The following KIZ variants were observed in gnomAD, a reference collection of about 807,000 sequenced individuals.
The protein encoded by KIZ is centrosomal protein kizuna.
Under a neutral mutation model 79.6 loss-of-function variants are expected in KIZ, and 68 were observed. The observed-to-expected ratio is 0.85, with a 90% CI of 0.70 to 1.05. The LOEUF (loss-of-function observed/expected upper bound fraction) is 1.05. Ranked by LOEUF, KIZ falls within the 50% of genes least tolerant of loss-of-function variation. The probability of loss-of-function intolerance (pLI) is 0.00; values close to 1 mark genes in which losing one functional copy is unlikely to be tolerated. For synonymous variants in KIZ, 280 were observed against 281.8 expected (o/e 0.99, Z 0.06); for missense variants, 797 against 800.4 (o/e 1.00, Z 0.05).
chr20:21,155,321 G>T (rs2033325298), intron 4 of KIZ, among the ~76,000 whole-genome samples: 1 of 152,020 alleles, frequency 6.6e-6, no homozygotes, highest in South Asian at 2.1e-4. Context: ...CCTTAAAATA[G>T]AATATTATTC....
chr20:21,181,847 A>AG (rs2034669024), intron 6 of KIZ, among the ~76,000 whole-genome samples: 1 of 152,228 alleles, frequency 6.6e-6, no homozygotes, highest in African/African-American at 2.4e-5. Flanking sequence ...GGTTGCCAAT[A>AG]ACAGGAACAC....
chr20:21,135,216 TGTG>T (rs1209027104), intron 2 of KIZ, among the ~76,000 whole-genome samples: 1 of 152,180 alleles, frequency 6.6e-6, no homozygotes, highest in Non-Finnish European at 1.5e-5. Context: ...TGAAGGTTAA[TGTG>T]GTAGCTGGAA....
chr20:21,208,038 A>G (rs1252158188), intron 7 of KIZ, among the ~76,000 whole-genome samples: 1 of 152,122 alleles, frequency 6.6e-6, no homozygotes, highest in African/African-American at 2.4e-5. Context: ...CTTAAGAAAG[A>G]TACTGTTTGG....
In KIZ at chr20:21,192,579, T is replaced by A. The variant is rs866507252; in HGVS notation, c.1353-12912T>A. ...TTTATAAAACTTCTAAAAAGTAATA[T>A]GTAAATTATGTAAGTGTAAGTTTCC... On this transcript the variant is annotated intron_variant, in intron 6 of 12. Coordinates refer to ENST00000619189, the MANE Select transcript of KIZ (RefSeq NM_018474.6). Among the ~76,000 whole-genome samples, 4 of 152,190 alleles carry A rather than the reference T, an allele frequency of 2.6e-5. No individual in the cohort carries two copies. In the East Asian group the frequency reaches 7.7e-4, roughly 29 times the overall value.
intron 9 of KIZ, among the ~76,000 whole-genome samples, chr20:21,227,398 T>A (rs1046976208): frequency 2.0e-5 from 3 of 152,140 alleles, no homozygotes; most frequent in African/African-American, 7.2e-5. Flanking sequence ...AGCTGCTCCT[T>A]TTTTTTCAAA....
chr20:21,218,014 G>A (rs1046392171), intron 9 of KIZ: 2 of 152,048 alleles, frequency 1.3e-5, no homozygotes, highest in Non-Finnish European at 2.9e-5. Flanking sequence ...GGCCACTTGG[G>A]ACCAAGACCC....
At chr20:21,127,361 T>C (rs1161644220) in intron 1 of KIZ, among the ~76,000 whole-genome samples, 3 of 152,228 alleles carry the variant, frequency 2.0e-5, no homozygotes, top group Non-Finnish European at 4.4e-5. Flanking sequence ...TTGTGACTCT[T>C]GGCATTCTTA....
At chr20:21,170,571 G>A (rs1416363677) in intron 6 of KIZ, among the ~76,000 whole-genome samples, 3 of 152,082 alleles carry the variant, frequency 2.0e-5, no homozygotes, top group Non-Finnish European at 4.4e-5. Flanking sequence ...TGTATTTTTA[G>A]TAGAGATGGG....
In KIZ at chr20:21,179,230, G is replaced by A. The variant is rs558361151; in HGVS notation, c.1352+16071G>A. On this transcript the variant is annotated intron_variant, in intron 6 of 12. Coordinates refer to ENST00000619189, the MANE Select transcript of KIZ (RefSeq NM_018474.6). ...TTTTGTTTTTTTTTTTTTTTTGATG[G>A]GAGGTTTTTGATTACTGATTCAGTC... 2.8e-4 allele frequency among the ~76,000 whole-genome samples: 41 copies of A among 148,938 alleles called. No individual in the cohort carries two copies. The East Asian group carries it at 7.4e-3, about 27-fold the overall frequency.
chr20:21,134,313 T>C (rs1190263031), intron 2 of KIZ, among the ~76,000 whole-genome samples: 3 of 152,286 alleles, frequency 2.0e-5, no homozygotes, highest in South Asian at 4.2e-4. Flanking sequence ...TTTTGTAATG[T>C]GGTATAAACT....
intron 6 of KIZ, among the ~76,000 whole-genome samples, chr20:21,181,657 C>T (rs2034661093): frequency 1.3e-5 from 2 of 152,088 alleles, no homozygotes; most frequent in African/African-American, 4.8e-5. Context: ...TGTGGTTTTA[C>T]CATGTTGCCC....
chr20:21,213,915 A>G (rs1414134460), intron 7 of KIZ: 2 of 152,290 alleles, frequency 1.3e-5, no homozygotes, highest in Non-Finnish European at 2.9e-5. Flanking sequence ...ACTTACAGGC[A>G]AAGTGCAGAC....
chr20:21,145,293 GTATA>G (rs201148859), intron 3 of KIZ, among the ~76,000 whole-genome samples: 1 of 151,536 alleles, frequency 6.6e-6, no homozygotes, highest in East Asian at 1.9e-4. Context: ...ATATACATGT[GTATA>G]TATATAAAGA....
In KIZ at chr20:21,153,305, A is replaced by G. The variant is rs554319358; in HGVS notation, c.405+7651A>G. On this transcript the variant is annotated intron_variant, in intron 4 of 12. Transcript: ENST00000619189. ...TTGCCACTTATTTAAGATAGTGAAG[A>G]GGTTGGTGTGGGGGTAGGGAGACTA... is the stretch of plus-strand genomic sequence containing the variant. Among the ~76,000 whole-genome samples the G allele has an allele frequency of 1.4e-4, 22 of 152,122 alleles. 1 individual carries two copies. Among genetic ancestry groups the G allele is most frequent in the Middle Eastern group, 3.2e-3 (1 of 316 alleles).
At chr20:21,167,380 G>A (rs1263904162) in intron 6 of KIZ, among the ~76,000 whole-genome samples, 1 of 152,054 alleles carries the variant, frequency 6.6e-6, no homozygotes, top group Non-Finnish European at 1.5e-5. Flanking sequence ...TGATTCAGCA[G>A]CCAAGGTAAC....
chr20:21,238,390 A>T lies in KIZ; in HGVS notation c.1880+5560A>T, dbSNP rs28464955. On this transcript the variant is annotated intron_variant, in intron 11 of 12. Coordinates refer to ENST00000619189, the MANE Select transcript of KIZ (RefSeq NM_018474.6). The stretch of plus-strand genomic sequence containing the variant: ...GTGAGAGGGTGTGAGTGTGTGAGAG[A>T]GTGTGTGTGTGTGTGAATGTGTGTG... 1.1e-3 allele frequency among the ~76,000 whole-genome samples: 171 copies of T among 149,078 alleles called. 1 individual carries two copies. The highest frequency in any genetic ancestry group is 4.1e-3 in the African/African-American group (166 of 40,434).
intron 11 of KIZ, among the ~76,000 whole-genome samples, chr20:21,238,415 G>A (rs1176988917): frequency 6.6e-6 from 1 of 151,964 alleles, no homozygotes; most frequent in Non-Finnish European, 1.5e-5. Context: ...GAATGTGTGT[G>A]TGGACACATA....
intron 6 of KIZ, among the ~76,000 whole-genome samples, chr20:21,190,086 A>G (rs958440877): frequency 2.0e-5 from 3 of 152,260 alleles, no homozygotes; most frequent in African/African-American, 7.2e-5. Flanking sequence ...GTGGCCTCAC[A>G]TACAGCTGTT....
chr20:21,168,426 T>C (rs534720099), intron 6 of KIZ, among the ~76,000 whole-genome samples: 1 of 152,150 alleles, frequency 6.6e-6, no homozygotes, highest in African/African-American at 2.4e-5. Context: ...CTCAGTGAAA[T>C]AAAAGAGGAT....
Sources: gnomAD v4.1 joint callset for allele counts (sites outside exome capture counted in the v4.1 genomes callset) on GRCh38, gnomAD v4.1.1 for gene constraint, MANE v1.5 for transcripts, NCBI Gene and HGNC (gene_info 2026-07-23, HGNC 2026-07-21) for gene names.